SORCS1: variants seen among roughly 807,000 people sequenced by gnomAD.
SORCS1 encodes VPS10 domain-containing receptor SorCS1.
A neutral mutation model predicts 146.1 loss-of-function variants in SORCS1; 60 were observed. The ratio of observed to expected loss-of-function variants is 0.41; its 90% CI spans 0.33 to 0.51. The LOEUF is 0.51. SORCS1 is among the 20% of genes least tolerant of loss of function. The pLI is 0.21. For missense variants in SORCS1, 1,352 were observed against 1,487.6 expected (o/e 0.91, Z 1.50); for synonymous variants, 637 against 584.0 (o/e 1.09, Z -1.31).
At chr10:106,957,174 G>GTT (rs1288054851) in intron 1 of SORCS1, among the ~76,000 whole-genome samples, 15 of 62,826 alleles carry the variant, frequency 2.4e-4, no homozygotes, top group African/African-American at 7.3e-4. Flanking sequence ...TGTTTTTTTT[G>GTT]TTTTTTTTTT....
chr10:106,690,486 A>G (rs2135662728), intron 9 of SORCS1, among the ~76,000 whole-genome samples: 2 of 152,174 alleles, frequency 1.3e-5, no homozygotes, highest in East Asian at 1.9e-4. Context: ...AGGGTTATAC[A>G]TGTTTGGGAG....
chr10:107,134,588 G>A (rs1246463960), intron 1 of SORCS1, among the ~76,000 whole-genome samples: 3 of 152,064 alleles, frequency 2.0e-5, no homozygotes, highest in Non-Finnish European at 4.4e-5. Flanking sequence ...GCAGTGAGCC[G>A]AGATCGCGCC....
At chr10:106,690,672 G>T (rs191638801) in intron 9 of SORCS1, among the ~76,000 whole-genome samples, 9 of 152,336 alleles carry the variant, frequency 5.9e-5, no homozygotes, top group Non-Finnish European at 1.2e-4. Context: ...ATCGACAGGG[G>T]ATAGAGCTGG....
intron 2 of SORCS1, among the ~76,000 whole-genome samples, chr10:106,922,122 A>C (rs562173950): frequency 6.6e-6 from 1 of 152,252 alleles, no homozygotes; most frequent in Non-Finnish European, 1.5e-5. Context: ...TGGTGAACAA[A>C]GCTTACATTA....
chr10:106,586,738 C>T (rs1226269112), intron 24 of SORCS1, among the ~76,000 whole-genome samples: 4 of 152,150 alleles, frequency 2.6e-5, no homozygotes, highest in African/African-American at 9.7e-5. Context: ...GGTGAATCTC[C>T]TGAGGCCAAG....
rs949584080 is a variant in SORCS1 at position 106,594,294 on chromosome 10, G to A, written c.3265+3057C>T. 4.6e-5 allele frequency among the ~76,000 whole-genome samples: 7 copies of A among 151,938 alleles called. No homozygotes were observed. In the East Asian group the frequency reaches 7.7e-4, roughly 17 times the overall value. On this transcript the variant is annotated intron_variant, in intron 24 of 25. Transcript: ENST00000263054. The stretch of plus-strand genomic sequence containing the variant: ...ACCACTTCTCCCTAAAGTTAAATAC[G>A]GTTAACATATCAATCTTTTAAAATT...
chr10:106,853,607 T>C (rs1039704700), intron 2 of SORCS1, among the ~76,000 whole-genome samples: 5 of 152,098 alleles, frequency 3.3e-5, no homozygotes, highest in African/African-American at 1.2e-4. Flanking sequence ...CATTGTAAAT[T>C]TCCCTCTAAG....
intron 1 of SORCS1, among the ~76,000 whole-genome samples, chr10:107,107,029 T>C (rs1277817121): frequency 6.6e-6 from 1 of 152,204 alleles, no homozygotes; most frequent in Non-Finnish European, 1.5e-5. Flanking sequence ...CACCCAGTTA[T>C]GGCATTCTGT....
intron 2 of SORCS1, among the ~76,000 whole-genome samples, chr10:106,890,451 C>G (rs1951183906): frequency 6.6e-6 from 1 of 151,670 alleles, no homozygotes; most frequent in South Asian, 2.1e-4. Flanking sequence ...TCAGTGGAGC[C>G]TTATTAAAAA....
At chr10:107,113,939 ATAAAAT>A (rs1263520600) in intron 1 of SORCS1, among the ~76,000 whole-genome samples, 1 of 152,064 alleles carries the variant, frequency 6.6e-6, no homozygotes, top group Admixed American at 6.6e-5. Context: ...GCCCAAATAA[ATAAAAT>A]TAAAATTATA....
At chr10:106,605,387 A>G (rs1451607295) in intron 23 of SORCS1, among the ~76,000 whole-genome samples, 1 of 152,214 alleles carries the variant, frequency 6.6e-6, no homozygotes, top group South Asian at 2.1e-4. Context: ...AAAACATGGA[A>G]AGTGTGAGAA....
At chr10:106,775,251 C>A (rs1860341573) in intron 4 of SORCS1, among the ~76,000 whole-genome samples, 1 of 152,198 alleles carries the variant, frequency 6.6e-6, no homozygotes, top group African/African-American at 2.4e-5. Flanking sequence ...AATACTCTGT[C>A]TGAGCTGGTC....
chr10:106,687,618 T>C (rs1014318838), intron 10 of SORCS1, among the ~76,000 whole-genome samples: 1 of 152,170 alleles, frequency 6.6e-6, no homozygotes, highest in Non-Finnish European at 1.5e-5. Flanking sequence ...GTGGGCCATA[T>C]TTTTCCCACA....
chr10:106,861,354 C>A (rs1440133940), intron 2 of SORCS1, among the ~76,000 whole-genome samples: 1 of 147,574 alleles, frequency 6.8e-6, no homozygotes. Context: ...GAGCCAAGAT[C>A]GCACCACTGC....
At chr10:106,766,295 C>G (rs898398184) in intron 4 of SORCS1, among the ~76,000 whole-genome samples, 1 of 152,150 alleles carries the variant, frequency 6.6e-6, no homozygotes, top group African/African-American at 2.4e-5. Context: ...CCTAATACTG[C>G]CCTGGGGATG....
At position 106,607,197 on chromosome 10, in the gene SORCS1, T is replaced by C; in HGVS notation, c.3134A>G (p.Glu1045Gly). The change falls in exon 23 of 26, where the codon GAA becomes GGA. Residue 1045 changes from glutamate (E) to glycine (G), a missense_variant. Physicochemically the swap from Glu to Gly is moderately conservative, Grantham distance 98. This residue lies in a region of SORCS1 where 214 missense variants were observed against 204.8 expected (regional missense o/e 1.05). Coordinates refer to ENST00000263054, the MANE Select transcript of SORCS1 (RefSeq NM_052918.5). ...CAGGTCATCAGTTGACCTTTTGTTT[T>C]CTCCAGCTGGATCCTGATAGGGTAG... ...FVLPYQDPAGENKRSTDDLEQ... is the reference protein window; with the variant it reads ...FVLPYQDPAGGNKRSTDDLEQ... 2 of 1,614,072 alleles carry C rather than the reference T, an allele frequency of 1.2e-6. No homozygotes were observed. Among genetic ancestry groups the C allele is most frequent in the South Asian group, 1.1e-5 (1 of 91,070 alleles).
intron 4 of SORCS1, among the ~76,000 whole-genome samples, chr10:106,774,357 A>C (rs1860266967): frequency 2.6e-5 from 4 of 152,208 alleles, no homozygotes; most frequent in Admixed American, 2.6e-4. Flanking sequence ...CTAATTAAGG[A>C]AACAAAAATT....
intron 1 of SORCS1, among the ~76,000 whole-genome samples, chr10:106,970,578 G>A (rs187545491): frequency 6.6e-6 from 1 of 152,002 alleles, no homozygotes; most frequent in Non-Finnish European, 1.5e-5. Flanking sequence ...CTGATCTCAG[G>A]TGATTTGCCC....
intron 1 of SORCS1, among the ~76,000 whole-genome samples, chr10:107,118,424 A>C (rs1022959423): frequency 6.6e-6 from 1 of 152,236 alleles, no homozygotes; most frequent in African/African-American, 2.4e-5. Context: ...CAGTAAATCC[A>C]GGAAACAATC....
Sources: gnomAD v4.1 joint callset for allele counts (sites outside exome capture counted in the v4.1 genomes callset) on GRCh38, gnomAD v4.1.1 for gene constraint, gnomAD v4.1.1 regional missense constraint, MANE v1.5 for transcripts, NCBI Gene and HGNC (gene_info 2026-07-23, HGNC 2026-07-21) for gene names.